Variants in PVT1 observed in about 807,000 individuals in gnomAD.
PVT1 encodes Pvt1 oncogene, also known as CXCR4/PVT1 fusion.
intron 3 of PVT1, among the ~76,000 whole-genome samples, chr8:127,918,819 A>G (rs1816022322): frequency 6.6e-6 from 1 of 152,174 alleles, no homozygotes; most frequent in Non-Finnish European, 1.5e-5. Context: ...ATTCTTTTCT[A>G]ACCACCCAAG....
At chr8:128,100,159 C>T (rs56022693) in intron 6 of PVT1, among the ~76,000 whole-genome samples, 1,375 of 132,616 alleles carry the variant, frequency 0.01, 29 homozygotes, top group East Asian at 0.093. Flanking sequence ...TCCTTCCTTC[C>T]TTCTTTCCTC....
intron 2 of PVT1, among the ~76,000 whole-genome samples, chr8:127,838,538 C>A (rs1814933818): frequency 6.6e-6 from 1 of 152,126 alleles, no homozygotes; most frequent in Non-Finnish European, 1.5e-5. Context: ...AACCCCGTTT[C>A]TACTAAAAAT....
chr8:127,829,811 A>G (rs1313022363), intron 2 of PVT1, among the ~76,000 whole-genome samples: 3 of 152,170 alleles, frequency 2.0e-5, no homozygotes, highest in Non-Finnish European at 4.4e-5. Flanking sequence ...TCAACAACAG[A>G]TATTTATTCT....
chr8:128,037,121 G>A (rs1001307171), intron 4 of PVT1, among the ~76,000 whole-genome samples: 1 of 152,224 alleles, frequency 6.6e-6, no homozygotes, highest in Non-Finnish European at 1.5e-5. Flanking sequence ...GCAGTGGGAA[G>A]AGGCAGGGGT....
In PVT1 at chr8:127,964,143, G is replaced by A. The variant is rs1018897442; in HGVS notation, n.783-25019G>A. Reference sequence around the variant, plus strand: ...AGCAGATGGGTTCAGGGAAGGCTGGGCAAAGAGGGGCAAGTCAGCCATGCC... The same window carrying A: ...AGCAGATGGGTTCAGGGAAGGCTGGACAAAGAGGGGCAAGTCAGCCATGCC... On this transcript the variant is annotated intron_variant and non_coding_transcript_variant, in intron 3 of 10. Coordinates refer to ENST00000651587, the Ensembl canonical transcript of PVT1. Among the ~76,000 whole-genome samples the A allele has an allele frequency of 2.6e-5, 4 of 152,228 alleles. 1 individual carries two copies. The highest frequency in any genetic ancestry group is 5.9e-5 in the Non-Finnish European group (4 of 68,042).
chr8:127,924,751 T>A (rs1295484704), intron 3 of PVT1, among the ~76,000 whole-genome samples: 1 of 152,090 alleles, frequency 6.6e-6, no homozygotes. Flanking sequence ...GACCTCGTGA[T>A]CCGCCCACCT....
chr8:128,020,986 G>A (rs1217194066), intron 4 of PVT1, among the ~76,000 whole-genome samples: 3 of 152,096 alleles, frequency 2.0e-5, no homozygotes, highest in Non-Finnish European at 2.9e-5. Flanking sequence ...TATAGTCACC[G>A]CTTGGTGGAT....
intron 4 of PVT1, among the ~76,000 whole-genome samples, chr8:128,031,656 C>T (rs767418358): frequency 2.0e-5 from 3 of 152,184 alleles, no homozygotes; most frequent in Non-Finnish European, 4.4e-5. Context: ...GTAGTAATAA[C>T]GGTAGCAGCT....
intron 4 of PVT1, among the ~76,000 whole-genome samples, chr8:128,039,557 T>C (rs1183595587): frequency 6.6e-6 from 1 of 152,148 alleles, no homozygotes; most frequent in Non-Finnish European, 1.5e-5. Context: ...TAGGCAGCCA[T>C]ACCTCAGGGG....
intron 3 of PVT1, among the ~76,000 whole-genome samples, chr8:127,985,713 T>C (rs1816961816): frequency 6.6e-6 from 1 of 152,224 alleles, no homozygotes; most frequent in Non-Finnish European, 1.5e-5. Context: ...ATCCCAAAGC[T>C]GGAGCTTGCA....
chr8:128,056,252 T>C (rs1014063171), intron 4 of PVT1, among the ~76,000 whole-genome samples: 1 of 152,172 alleles, frequency 6.6e-6, no homozygotes, highest in Non-Finnish European at 1.5e-5. Context: ...AAGTGGAACT[T>C]GTGTGAGGAT....
At chr8:127,926,609 G>A (rs117550778) in intron 3 of PVT1, among the ~76,000 whole-genome samples, 6 of 152,276 alleles carry the variant, frequency 3.9e-5, no homozygotes, top group African/African-American at 1.4e-4. Context: ...GTCCCCAGCC[G>A]AGACCACCTC....
chr8:127,843,347 AAAAC>A (rs1052283079), intron 2 of PVT1, among the ~76,000 whole-genome samples: 2 of 152,188 alleles, frequency 1.3e-5, no homozygotes, highest in African/African-American at 2.4e-5. Flanking sequence ...TCTGTCTCAA[AAAAC>A]AAACAAACAA....
At chr8:127,997,071 T>TTG (rs1817115471) in intron 4 of PVT1, among the ~76,000 whole-genome samples, 1 of 147,324 alleles carries the variant, frequency 6.8e-6, no homozygotes, top group South Asian at 2.2e-4. Context: ...GTTTGTTTTT[T>TTG]GATACAGAGT....
intron 4 of PVT1, among the ~76,000 whole-genome samples, chr8:128,026,234 C>T (rs775123751): frequency 3.9e-5 from 6 of 152,318 alleles, no homozygotes; most frequent in Non-Finnish European, 8.8e-5. Flanking sequence ...TGAGCCACCG[C>T]ACCCAGTCCC....
At chr8:128,099,985 T>C (rs1438515334) in intron 6 of PVT1, 2 of 152,172 alleles carry the variant, frequency 1.3e-5, no homozygotes, top group African/African-American at 4.8e-5. Context: ...GGTGGGTTTG[T>C]TCATTGATTG....
At chr8:127,902,664 C>T (rs1364298764) in intron 3 of PVT1, among the ~76,000 whole-genome samples, 1 of 152,072 alleles carries the variant, frequency 6.6e-6, no homozygotes, top group Non-Finnish European at 1.5e-5. Context: ...TTAGTTCCCA[C>T]TTATAAGTGA....
At chr8:127,811,181 C>A (rs1204910209) in intron 2 of PVT1, among the ~76,000 whole-genome samples, 2 of 152,162 alleles carry the variant, frequency 1.3e-5, no homozygotes, top group Non-Finnish European at 2.9e-5. Flanking sequence ...TCCCTCCTCC[C>A]CTGGTCCCTT....
At chr8:127,932,722 T>C (rs1165475428) in intron 3 of PVT1, 3 of 381,686 alleles carry the variant, frequency 7.9e-6, no homozygotes, top group Non-Finnish European at 1.4e-5. Flanking sequence ...ATTTCTATCT[T>C]ATAATACACA....
Sources: gnomAD v4.1 joint callset for allele counts (sites outside exome capture counted in the v4.1 genomes callset) on GRCh38, gnomAD v4.1.1 for gene constraint, MANE v1.5 for transcripts, NCBI Gene and HGNC (gene_info 2026-07-23, HGNC 2026-07-21) for gene names.